The following SCLY variants were observed in gnomAD, a reference collection of about 807,000 sequenced individuals.
SCLY encodes putative selenocysteine lyase.
SCLY carries 38 observed loss-of-function variants against 50.1 expected under a neutral mutation model. That is an observed-to-expected ratio of 0.76 (90% CI 0.59 to 0.99). The LOEUF (loss-of-function observed/expected upper bound fraction) is 0.99, where lower values mean the gene tolerates loss of function less well. Ranked by LOEUF, SCLY falls within the 50% of genes least tolerant of loss-of-function variation. The pLI is 0.00. For missense variants in SCLY, 600 were observed against 620.0 expected (o/e 0.97, Z 0.34); for synonymous variants, 243 against 249.4 (o/e 0.97, Z 0.24).
intron 5 of SCLY, 90 bp downstream of exon 5, chr2:238,081,926 C>G: frequency 6.3e-7 from 1 of 1,577,636 alleles, no homozygotes; most frequent in African/African-American, 1.3e-5. Flanking sequence ...CAGCTCTGGC[C>G]TCTCCCGTTT....
rs765138305 is a variant in SCLY, at chr2:238,069,527, C to T, written c.484+50C>T. The T allele has an allele frequency of 8.6e-6, 13 of 1,517,694 alleles. No individual in the cohort carries two copies. In the South Asian group the frequency reaches 1.1e-4, roughly 13 times the overall value. 94.0% of individuals were successfully genotyped at this position (1,517,694 alleles called of 1,614,324 possible). The stretch of plus-strand genomic sequence containing the variant: ...GGACCAGCCTGCTGAGCTCCAGCTG[C>T]GAGGCGGGAAGTGGCCTGCGAGCAG... On this transcript the variant is annotated intron_variant, in intron 4 of 11. Transcript: ENST00000254663. The surrounding 1 kb of genome is among the most constrained non-coding windows in gnomAD (Gnocchi z 5.0).
intron 10 of SCLY, 27 bp downstream of exon 10, chr2:238,094,549 C>A: frequency 6.4e-7 from 1 of 1,566,686 alleles, no homozygotes; most frequent in Non-Finnish European, 8.8e-7. Context: ...CTGGTCTTTC[C>A]GAGTGTGAGC....
At position 238,098,593 on chromosome 2, in the gene SCLY, G is replaced by GACCGCCCACGTGGGAACGCCCACATAGA. The variant is rs1691312184; in HGVS notation, c.*247_*248insGTGGGAACGCCCACATAGAACCGCCCAC. On this transcript the variant is annotated 3_prime_UTR_variant, in exon 12 of 12. Transcript: ENST00000254663. The stretch of plus-strand genomic sequence containing the variant: ...TGCCCACATGGGACCGCCCACATAG[G>GACCGCCCACGTGGGAACGCCCACATAGA]ACCGCCCACATAGGACCGCCCACAT... The GACCGCCCACGTGGGAACGCCCACATAGA allele has an allele frequency of 3.1e-6, 1 of 320,376 alleles. No individual in the cohort carries two copies. Among genetic ancestry groups the GACCGCCCACGTGGGAACGCCCACATAGA allele is most frequent in the African/African-American group, 4.0e-5 (1 of 25,014 alleles). The allele number at this position is 320,376 out of a possible 1,614,324, so 19.8% of individuals were successfully genotyped here.
intron 7 of SCLY, among the ~76,000 whole-genome samples, chr2:238,090,959 G>A (rs551528843): frequency 2.2e-4 from 32 of 148,690 alleles, no homozygotes; most frequent in African/African-American, 7.3e-4. Context: ...TAGGAAAAGG[G>A]TCCAGATAGA....
Position 238,082,146 on chromosome 2 carries a change from G to C in SCLY, c.714G>C (p.Leu238Phe). The C allele has an allele frequency of 1.1e-5, 17 of 1,612,812 alleles. No homozygotes were observed. The highest frequency in any genetic ancestry group is 1.4e-5 in the Non-Finnish European group (16 of 1,180,000). The change falls in exon 6 of 12, where the codon TTG becomes TTC. Residue 238 changes from leucine to phenylalanine, a missense_variant. Leu to Phe is a conservative substitution (Grantham distance 22). Coordinates refer to ENST00000254663, the MANE Select transcript of SCLY (RefSeq NM_016510.7). The part of the protein sequence containing the change: ...ILVHTDAAQA[L>F]GKQRVDVEDL... ...TGCACACGGATGCTGCACAGGCCTT[G>C]GGGAAGCAGCGCGTGGATGTGGAGG...
Position 238,098,612 on chromosome 2 carries a change from C to CCCACATAGAACCGT in SCLY, c.*263_*264insAGAACCGTCCACAT, listed in dbSNP as rs1574721387. 6.8e-4 allele frequency: 280 copies of CCCACATAGAACCGT among 410,810 alleles called. 7 individuals are homozygous for CCCACATAGAACCGT. The East Asian group carries it at 9.2e-3, about 14-fold the overall frequency. 25.4% of individuals were successfully genotyped at this position (410,810 alleles called of 1,614,324 possible). A position where few individuals can be genotyped will look rare whatever the true frequency, so the allele number is the denominator to read the frequency against. On this transcript the variant is annotated 3_prime_UTR_variant, in exon 12 of 12. Coordinates refer to ENST00000254663, the MANE Select transcript of SCLY (RefSeq NM_016510.7). ...ACATAGGACCGCCCACATAGGACCG[C>CCCACATAGAACCGT]CCACATGGGACCGCCCACATGGGAC...
chr2:238,082,260 T>TCC, intron 6 of SCLY, 51 bp downstream of exon 6: 1 of 1,516,996 alleles, frequency 6.6e-7, no homozygotes, highest in Non-Finnish European at 8.9e-7. Flanking sequence ...ACTGCGCAGG[T>TCC]GGCTGTTTAC....
At chr2:238,093,331 C>G (rs1036670508) in intron 8 of SCLY, 1 of 160,618 alleles carries the variant, frequency 6.2e-6, no homozygotes, top group Admixed American at 5.9e-5. Context: ...GCGTCTGCCC[C>G]GTGGCCGGGC....
intron 9 of SCLY, 101 bp from the exon 10 acceptor site, chr2:238,094,319 C>T: frequency 2.1e-6 from 2 of 950,096 alleles, no homozygotes; most frequent in East Asian, 2.4e-5. Flanking sequence ...GAAAAGTATG[C>T]ACCTGCTGAA....
intron 4 of SCLY, among the ~76,000 whole-genome samples, chr2:238,071,207 T>C (rs933940300): frequency 6.6e-6 from 1 of 152,246 alleles, no homozygotes; most frequent in Non-Finnish European, 1.5e-5. Context: ...ACATCATTAT[T>C]AGTTACTGTT....
chr2:238,093,706 A>G (rs2065393535), intron 8 of SCLY, 155 bp from the exon 9 acceptor site: 1 of 715,432 alleles, frequency 1.4e-6, no homozygotes, highest in Non-Finnish European at 2.4e-6. Context: ...GCACTTCCAC[A>G]CCCTCCAAAT....
chr2:238,098,619 G>GGGAACGCCCACATAGAACCGCCCACCTA lies in SCLY; in HGVS notation c.*267_*268insACGCCCACATAGAACCGCCCACCTAGGA. 1 of 204,244 alleles carries GGGAACGCCCACATAGAACCGCCCACCTA rather than the reference G, an allele frequency of 4.9e-6. No homozygotes were observed. The highest frequency in any genetic ancestry group is 8.7e-6 in the Non-Finnish European group (1 of 114,634). 12.7% of individuals were successfully genotyped at this position (204,244 alleles called of 1,614,324 possible). A position where few individuals can be genotyped will look rare whatever the true frequency, so the allele number is the denominator to read the frequency against. The stretch of plus-strand genomic sequence containing the variant: ...ACCGCCCACATAGGACCGCCCACAT[G>GGGAACGCCCACATAGAACCGCCCACCTA]GGACCGCCCACATGGGACCGCCCAC... On this transcript the variant is annotated 3_prime_UTR_variant, in exon 12 of 12. Coordinates refer to ENST00000254663, the MANE Select transcript of SCLY (RefSeq NM_016510.7).
At chr2:238,087,015 G>A (rs1429913898) in intron 7 of SCLY, among the ~76,000 whole-genome samples, 12 of 57,976 alleles carry the variant, frequency 2.1e-4, no homozygotes, top group South Asian at 8.4e-4. Flanking sequence ...GCAAAACTCC[G>A]TCTGAAAAAA....
Position 238,098,618 on chromosome 2 carries a change from T to TA in SCLY, c.*263_*264insA, listed in dbSNP as rs1559254634. On this transcript the variant is annotated 3_prime_UTR_variant, in exon 12 of 12. Coordinates refer to ENST00000254663, the MANE Select transcript of SCLY (RefSeq NM_016510.7). ...GACCGCCCACATAGGACCGCCCACA[T>TA]GGGACCGCCCACATGGGACCGCCCA... 1.8e-3 allele frequency: 796 copies of TA among 437,332 alleles called. 20 individuals carry two copies. Among genetic ancestry groups the TA allele is most frequent in the East Asian group, 0.01 (297 of 28,858 alleles). The allele number at this position is 437,332 out of a possible 1,614,324, so 27.1% of individuals were successfully genotyped here. A position where few individuals can be genotyped will look rare whatever the true frequency, so the allele number is the denominator to read the frequency against.
chr2:238,064,798 C>T (rs972848916), intron 2 of SCLY: 8 of 164,942 alleles, frequency 4.9e-5, no homozygotes, highest in Admixed American at 1.3e-4. Flanking sequence ...CTCAGTCAAT[C>T]CTTACAGAAT....
In SCLY at chr2:238,067,201, T is replaced by C. The variant is rs2065079053; in HGVS notation, c.203-864T>C. ...ATGATGGAGTTTTCCTAAACACCAC[T>C]TAGGTGTTTAGGAAACTACTACTAA... On this transcript the variant is annotated intron_variant, in intron 2 of 11. Transcript: ENST00000254663. This position sits in a 1 kb window ranked among gnomAD's most constrained non-coding sequence, Gnocchi z 4.3. 6.6e-6 allele frequency among the ~76,000 whole-genome samples: 1 copy of C among 152,188 alleles called. No individual in the cohort carries two copies. Among genetic ancestry groups the C allele is most frequent in the African/African-American group, 2.4e-5 (1 of 41,438 alleles).
At chr2:238,062,960 A>G (rs947157193) in intron 1 of SCLY, among the ~76,000 whole-genome samples, 4 of 152,228 alleles carry the variant, frequency 2.6e-5, no homozygotes, top group African/African-American at 9.6e-5. Flanking sequence ...TTAGTGAGGG[A>G]TCTTTCAGGG....
chr2:238,089,762 A>G (rs953201098), intron 7 of SCLY, among the ~76,000 whole-genome samples: 4 of 151,740 alleles, frequency 2.6e-5, no homozygotes, highest in African/African-American at 7.3e-5. Context: ...CCTGTCTTAC[A>G]CCTCATAAAA....
At chr2:238,093,465 G>A (rs912329151) in intron 8 of SCLY, 1 of 251,012 alleles carries the variant, frequency 4.0e-6, no homozygotes, top group Non-Finnish European at 7.9e-6. Context: ...TTGCTGGGAC[G>A]CCATTCCCTG....
Sources: gnomAD v4.1 joint callset for allele counts (sites outside exome capture counted in the v4.1 genomes callset) on GRCh38, gnomAD v4.1.1 for gene constraint, Gnocchi (gnomAD v3.1) non-coding constraint, MANE v1.5 for transcripts, NCBI Gene and HGNC (gene_info 2026-07-23, HGNC 2026-07-21) for gene names.